The following ALOX5 variants were observed in gnomAD, a reference collection of about 807,000 sequenced individuals.
ALOX5 encodes the protein arachidonate 5-lipoxygenase.
A neutral mutation model predicts 87.9 loss-of-function variants in ALOX5; 64 were observed. That is an observed-to-expected ratio of 0.73 (90% CI 0.60 to 0.90). ALOX5 has a LOEUF of 0.90. Ranked by LOEUF, ALOX5 falls within the 40% of genes least tolerant of loss-of-function variation. The pLI, the probability that ALOX5 is intolerant of heterozygous loss-of-function variation, is 0.00. For synonymous variants in ALOX5, 388 were observed against 355.1 expected (o/e 1.09, Z -1.04); for missense variants, 822 against 907.5 (o/e 0.91, Z 1.21).
Position 45,382,613 on chromosome 10 carries a change from A to C in ALOX5, c.281A>C (p.Asp94Ala), listed in dbSNP as rs1477992261. The C allele has an allele frequency of 6.2e-7, 1 of 1,614,016 alleles. No individual in the cohort carries two copies. Among genetic ancestry groups the C allele is most frequent in the Non-Finnish European group, 8.5e-7 (1 of 1,180,032 alleles). ...KYITLKTPHG[D>A]YIEFPCYRWI... ...ATCACGCTGAAGACGCCCCACGGGG[A>C]CTACATCGAGTTCCCCTGCTACCGC... Residue 94 changes from aspartate (D) to alanine (A), a missense_variant, in exon 2 of 14, where the codon GAC (aspartate) becomes GCC (alanine). Transcript: ENST00000374391.
In ALOX5 at chr10:45,437,471, G is replaced by C. The variant is rs58998447; in HGVS notation, c.982-2959G>C. ...GTTAGAAATAATAGTTTTTTCTAAAGACTAACTTTTTTTAAGCCTTTTCGC... is the reference window on the plus strand; with the variant it reads ...GTTAGAAATAATAGTTTTTTCTAAACACTAACTTTTTTTAAGCCTTTTCGC... On this transcript the variant is annotated intron_variant, in intron 7 of 13. Coordinates refer to ENST00000374391, the MANE Select transcript of ALOX5 (RefSeq NM_000698.5). Among the ~76,000 whole-genome samples the C allele has an allele frequency of 4.1e-3, 624 of 152,122 alleles. 32 individuals are homozygous for C. The East Asian group carries it at 0.11, about 27-fold the overall frequency.
intron 1 of ALOX5, among the ~76,000 whole-genome samples, chr10:45,381,853 T>C (rs1839842696): frequency 6.6e-6 from 1 of 152,222 alleles, no homozygotes. Flanking sequence ...GTGAATGTCT[T>C]GGGTAAATGA....
intron 3 of ALOX5, among the ~76,000 whole-genome samples, chr10:45,407,145 T>C (rs748664724): frequency 1.3e-5 from 2 of 152,072 alleles, no homozygotes; most frequent in Non-Finnish European, 2.9e-5. Flanking sequence ...TTGATGACAA[T>C]ATGAGAGGCT....
At chr10:45,378,167 G>C (rs537863917) in intron 1 of ALOX5, among the ~76,000 whole-genome samples, 1 of 149,142 alleles carries the variant, frequency 6.7e-6, no homozygotes, top group Non-Finnish European at 1.5e-5. Context: ...CCTAAAAGCT[G>C]CCTGAAATAC....
chr10:45,419,030 T>C (rs777910862), intron 4 of ALOX5, among the ~76,000 whole-genome samples: 5 of 152,044 alleles, frequency 3.3e-5, no homozygotes. Context: ...GGGTGGCGGA[T>C]GGAGCCGCCC....
chr10:45,430,954 A>G (rs2132824289), intron 7 of ALOX5, among the ~76,000 whole-genome samples: 1 of 152,354 alleles, frequency 6.6e-6, no homozygotes, highest in East Asian at 1.9e-4. Flanking sequence ...CCAAGTATTA[A>G]ATAAAGATTT....
chr10:45,428,628 T>C lies in ALOX5; in HGVS notation c.845T>C (p.Ile282Thr), dbSNP rs1343241753. 1.2e-6 allele frequency: 2 copies of C among 1,614,076 alleles called. No individual in the cohort carries two copies. Among genetic ancestry groups the C allele is most frequent in the Admixed American group, 1.7e-5 (1 of 60,008 alleles). The change falls in exon 7 of 14, where the codon ATT becomes ACT. Residue 282 changes from isoleucine (I) to threonine (T), a missense_variant. Physicochemically the swap from Ile to Thr is moderately conservative, Grantham distance 89. Transcript: ENST00000374391. ...CTCTGCCTCCTGCAGCAAGGGAACA[T>C]TTTCATCGTGGACTTTGAGCTGCTG... ...SLEQEVQQGN[I>T]FIVDFELLDG...
At position 45,442,130 on chromosome 10, in the gene ALOX5, C is replaced by T. The variant is rs73285319; in HGVS notation, c.1272+700C>T. Among the ~76,000 whole-genome samples, 1,391 of 152,288 alleles carry T rather than the reference C, an allele frequency of 9.1e-3. 21 individuals are homozygous for T. The highest frequency in any genetic ancestry group is 0.031 in the African/African-American group (1,272 of 41,548). The stretch of plus-strand genomic sequence containing the variant: ...CAAATACCTGGACACAATAGAGGGT[C>T]GGGGGCCTCAGCCAGAAATGGATCC... On this transcript the variant is annotated intron_variant, in intron 9 of 13. Transcript: ENST00000374391.
chr10:45,427,178 C>G (rs1370789736), intron 6 of ALOX5, among the ~76,000 whole-genome samples: 2 of 152,250 alleles, frequency 1.3e-5, no homozygotes, highest in Non-Finnish European at 2.9e-5. Context: ...AAATCTCAGG[C>G]CTCCTATTCC....
At chr10:45,401,985 G>T (rs534637226) in intron 3 of ALOX5, among the ~76,000 whole-genome samples, 1 of 151,248 alleles carries the variant, frequency 6.6e-6, no homozygotes, top group African/African-American at 2.4e-5. Context: ...TGCTCGGGAG[G>T]CTGAGGCAAG....
intron 7 of ALOX5, among the ~76,000 whole-genome samples, chr10:45,431,324 G>T (rs1020179250): frequency 1.3e-5 from 2 of 151,774 alleles, no homozygotes; most frequent in Non-Finnish European, 2.9e-5. Context: ...GATAAAACAG[G>T]AAAACAATCA....
chr10:45,374,936 C>G (rs1213763654), intron 1 of ALOX5, among the ~76,000 whole-genome samples: 2 of 152,072 alleles, frequency 1.3e-5, no homozygotes, highest in African/African-American at 4.8e-5. Flanking sequence ...GTCAGCGGGT[C>G]CAGAGGCCTG....
At chr10:45,421,180 A>G (rs1237275969) in intron 4 of ALOX5, among the ~76,000 whole-genome samples, 2 of 152,242 alleles carry the variant, frequency 1.3e-5, no homozygotes, top group African/African-American at 4.8e-5. Context: ...GGATATAGAA[A>G]TATTTTGCCT....
chr10:45,424,944 G>A lies in ALOX5; in HGVS notation c.662-16G>A, dbSNP rs374722615. On this transcript the variant is annotated splice_polypyrimidine_tract_variant and intron_variant, in intron 5 of 13. Transcript: ENST00000374391. ...CTACTCAGAGCTCAGGGTGGGCCTC[G>A]CTTTTCTCCTGGTAGAGCGGGTCAT... 1.4e-5 allele frequency: 22 copies of A among 1,613,672 alleles called. No individual in the cohort carries two copies. In the African/African-American group the frequency reaches 1.6e-4, roughly 12 times the overall value.
At chr10:45,442,205 T>G (rs1288934343) in intron 9 of ALOX5, among the ~76,000 whole-genome samples, 2 of 152,218 alleles carry the variant, frequency 1.3e-5, no homozygotes, top group African/African-American at 4.8e-5. Context: ...TCCCTCTTTC[T>G]GTCTCTTTCA....
intron 1 of ALOX5, among the ~76,000 whole-genome samples, chr10:45,378,612 A>C (rs1011910060): frequency 6.6e-6 from 1 of 152,192 alleles, no homozygotes; most frequent in Non-Finnish European, 1.5e-5. Flanking sequence ...GTAGTTCCAC[A>C]AACCTTCCGA....
intron 2 of ALOX5, among the ~76,000 whole-genome samples, chr10:45,389,472 C>G (rs533478162): frequency 2.0e-5 from 3 of 152,264 alleles, no homozygotes; most frequent in African/African-American, 7.2e-5. Context: ...AAAGGGAAGC[C>G]CATCAGACTA....
chr10:45,385,639 G>C (rs1228059521), intron 2 of ALOX5, among the ~76,000 whole-genome samples: 2 of 152,214 alleles, frequency 1.3e-5, no homozygotes, highest in Non-Finnish European at 2.9e-5. Flanking sequence ...GTAGATAAGA[G>C]ATGATGAATG....
intron 11 of ALOX5, 93 bp downstream of exon 11, chr10:45,443,630 C>A: frequency 6.3e-7 from 1 of 1,594,450 alleles, no homozygotes; most frequent in Non-Finnish European, 8.5e-7. Context: ...GCCCAGGGTG[C>A]CCTCCGGCCT....
Sources: gnomAD v4.1 joint callset for allele counts (sites outside exome capture counted in the v4.1 genomes callset) on GRCh38, gnomAD v4.1.1 for gene constraint, MANE v1.5 for transcripts, NCBI Gene and HGNC (gene_info 2026-07-23, HGNC 2026-07-21) for gene names.